HCK: variants seen among roughly 807,000 people sequenced by gnomAD.
HCK encodes the protein tyrosine-protein kinase HCK.
Under a neutral mutation model 70.4 loss-of-function variants are expected in HCK, and 40 were observed. The observed-to-expected ratio is 0.57, with a 90% CI of 0.44 to 0.74. HCK has a LOEUF of 0.74. Among genes scored for constraint, HCK ranks in the 30% least tolerant of loss-of-function variants. The pLI is 0.00. For missense variants in HCK, 568 were observed against 697.2 expected, an observed-to-expected ratio of 0.81 and a Z score of 2.09; for synonymous variants, 245 against 263.2, an observed-to-expected ratio of 0.93 and a Z score of 0.67.
At chr20:32,059,036 A>C (rs1243310326) in intron 1 of HCK, among the ~76,000 whole-genome samples, 5 of 152,258 alleles carry the variant, frequency 3.3e-5, no homozygotes, top group Non-Finnish European at 7.3e-5. Context: ...GAAATCTCTC[A>C]GACAAAGAGA....
chr20:32,094,422 G>A (rs2045905864), intron 11 of HCK, among the ~76,000 whole-genome samples: 1 of 152,106 alleles, frequency 6.6e-6, no homozygotes, highest in Admixed American at 6.6e-5. Flanking sequence ...GCTCACGCCT[G>A]TAATCCCAGC....
chr20:32,053,088 T>TCTCCGCCTCCGAATTCGTTTC (rs1415500918), intron 1 of HCK, among the ~76,000 whole-genome samples: 1 of 152,092 alleles, frequency 6.6e-6, no homozygotes, highest in Non-Finnish European at 1.5e-5. Flanking sequence ...TTGGACGAAT[T>TCTCCGCCTCCGAATTCGTTTC]CTCCGCCTCC....
At chr20:32,093,220 C>T (rs900129940) in intron 10 of HCK, among the ~76,000 whole-genome samples, 1 of 152,198 alleles carries the variant, frequency 6.6e-6, no homozygotes, top group Admixed American at 6.5e-5. Context: ...GCTGGGATTA[C>T]AAGTGTAAGC....
intron 2 of HCK, among the ~76,000 whole-genome samples, chr20:32,073,033 G>A (rs1274305332): frequency 6.6e-6 from 1 of 151,766 alleles, no homozygotes; most frequent in East Asian, 1.9e-4. Flanking sequence ...CCGAGAGGTG[G>A]AGGTTTCGGT....
chr20:32,061,279 G>A (rs937457938), intron 1 of HCK, among the ~76,000 whole-genome samples: 2 of 152,240 alleles, frequency 1.3e-5, no homozygotes, highest in African/African-American at 4.8e-5. Flanking sequence ...ACTGCGCCCA[G>A]CTGCCGTGCC....
chr20:32,068,848 G>A (rs2122513843), intron 1 of HCK, among the ~76,000 whole-genome samples: 1 of 152,214 alleles, frequency 6.6e-6, no homozygotes. Context: ...GGAGGCTGAG[G>A]TGGGAGGATC....
intron 11 of HCK, among the ~76,000 whole-genome samples, chr20:32,094,757 GA>G (rs1569009846): frequency 8.8e-5 from 11 of 124,632 alleles, no homozygotes; most frequent in East Asian, 8.6e-4. Context: ...AAGAAAGAAA[GA>G]AAGAAGGAAA....
chr20:32,076,256 G>A (rs1185787190), intron 5 of HCK, among the ~76,000 whole-genome samples: 2 of 152,166 alleles, frequency 1.3e-5, no homozygotes, highest in Non-Finnish European at 2.9e-5. Context: ...ACTCCAGGGG[G>A]CAGAGGTTGC....
chr20:32,094,199 TGAG>T (rs1318896393), intron 11 of HCK, among the ~76,000 whole-genome samples, 183 bp downstream of exon 11: 1 of 152,148 alleles, frequency 6.6e-6, no homozygotes, highest in Non-Finnish European at 1.5e-5. Flanking sequence ...TCAGAGATTT[TGAG>T]GAGATTTTAG....
intron 12 of HCK, among the ~76,000 whole-genome samples, chr20:32,100,426 G>A (rs903671362): frequency 6.6e-6 from 1 of 152,148 alleles, no homozygotes; most frequent in Non-Finnish European, 1.5e-5. Context: ...CTGGTGCTAC[G>A]TTTCAAAAGG....
chr20:32,091,375 G>A (rs944064954), intron 10 of HCK, among the ~76,000 whole-genome samples: 2 of 152,198 alleles, frequency 1.3e-5, no homozygotes, highest in Admixed American at 6.5e-5. Flanking sequence ...GTGTAAGCTG[G>A]GGCCACTTAC....
chr20:32,094,010 C>G lies in HCK; in HGVS notation c.1240C>G (p.Arg414Gly). ...CATTGAGGACAACGAGTACACGGCT[C>G]GGGAAGGTAGGGAACGCTGCCAAGC... Residue 414 changes from arginine (R) to glycine (G), a missense_variant, in exon 11 of 13, where the codon CGG becomes GGG. Arg to Gly is a moderately radical substitution (Grantham distance 125, BLOSUM62 -2). Around this residue, in one of 4 missense-constraint regions of HCK, gnomAD observed 160 missense variants for 237.5 expected, o/e 0.67. Transcript: ENST00000375852. 6.2e-7 allele frequency: 1 copy of G among 1,612,406 alleles called. No homozygotes were observed. The highest frequency in any genetic ancestry group is 1.1e-5 in the South Asian group (1 of 90,980).
At chr20:32,090,906 CCACTGGGAG>C (rs2045855668) in intron 10 of HCK, among the ~76,000 whole-genome samples, 1 of 152,204 alleles carries the variant, frequency 6.6e-6, no homozygotes, top group Non-Finnish European at 1.5e-5. Flanking sequence ...CCACTTTCCC[CCACTGGGAG>C]CACTGGGAGC....
In HCK at chr20:32,084,000, A is replaced by C. The variant is rs1431430986; in HGVS notation, c.639A>C (p.Arg213=). 1.2e-6 allele frequency: 2 copies of C among 1,614,060 alleles called. No individual in the cohort carries two copies. Among genetic ancestry groups the C allele is most frequent in the African/African-American group, 1.3e-5 (1 of 75,018 alleles). Residue 213 remains arginine (R), a synonymous_variant, in exon 7 of 13, where the codon CGA becomes CGC. Coordinates refer to ENST00000375852, the MANE Select transcript of HCK (RefSeq NM_002110.5). ...ACGGGGGCTTCTACATATCCCCCCGAAGCACCTTCAGCACTCTGCAGGAGC... is the reference window on the plus strand; with the variant it reads ...ACGGGGGCTTCTACATATCCCCCCGCAGCACCTTCAGCACTCTGCAGGAGC...
In HCK at chr20:32,061,936, C is replaced by CTT. The variant is rs557203114; in HGVS notation, c.62+9470_62+9471dup. On this transcript the variant is annotated intron_variant, in intron 1 of 12. Transcript: ENST00000375852. ...AGAGAAGGAATGCGATCTGACTTAC[C>CTT]TTTTTTTTTTTTTTTTTTTTTGAGA... Among the ~76,000 whole-genome samples the CTT allele has an allele frequency of 6.0e-3, 736 of 122,008 alleles. 7 individuals are homozygous for CTT. Among genetic ancestry groups the CTT allele is most frequent in the Non-Finnish European group, 8.6e-3 (506 of 59,092 alleles). The allele number at this position is 122,008 out of a possible 152,430, so 80.0% of individuals were successfully genotyped here.
chr20:32,068,493 C>T (rs540483266), intron 1 of HCK, among the ~76,000 whole-genome samples: 2 of 152,028 alleles, frequency 1.3e-5, no homozygotes, highest in African/African-American at 4.8e-5. Context: ...GCTCACATGA[C>T]ATTTCTGGGC....
At chr20:32,058,409 G>A (rs2045307057) in intron 1 of HCK, among the ~76,000 whole-genome samples, 1 of 151,956 alleles carries the variant, frequency 6.6e-6, no homozygotes, top group Non-Finnish European at 1.5e-5. Context: ...GCGGGCGCCT[G>A]TAATTTCAGC....
In HCK at chr20:32,084,480, C is replaced by T. The variant is rs1311934087; in HGVS notation, c.772C>T (p.Pro258Ser). 1 of 1,614,008 alleles carries T rather than the reference C, an allele frequency of 6.2e-7. No individual in the cohort carries two copies. The highest frequency in any genetic ancestry group is 8.5e-7 in the Non-Finnish European group (1 of 1,180,018). ...TTGGGAGAAAGATGCCTGGGAGATC[C>T]CTCGGGAATCCCTCAAGCTGGAGAA... Residue 258 changes from proline (P) to serine (S), a missense_variant, in exon 8 of 13, where the codon CCT becomes TCT. Pro to Ser is a moderately conservative substitution (Grantham distance 74, BLOSUM62 -1). This residue lies in a region of HCK where 13 missense variants were observed against 38.8 expected (regional missense o/e 0.34). Transcript: ENST00000375852.
At chr20:32,064,524 A>T (rs1006422925) in intron 1 of HCK, among the ~76,000 whole-genome samples, 3 of 152,204 alleles carry the variant, frequency 2.0e-5, no homozygotes, top group African/African-American at 7.2e-5. Flanking sequence ...CCAACATCTC[A>T]TTTCACATTT....
Sources: allele counts gnomAD v4.1 joint callset (sites outside exome capture counted in the v4.1 genomes callset), GRCh38; gene constraint gnomAD v4.1.1; regional missense constraint gnomAD v4.1.1; transcripts MANE v1.5; gene names NCBI Gene and HGNC (gene_info 2026-07-23, HGNC 2026-07-21).